CRELD2: variants seen among roughly 807,000 people sequenced by gnomAD.
CRELD2 encodes the protein CRELD disulfide isomerase 2, also known as protein disulfide isomerase CRELD2.
Under a neutral mutation model 48.1 loss-of-function variants are expected in CRELD2, and 33 were observed. The observed-to-expected ratio is 0.69, with a 90% CI of 0.52 to 0.92. The LOEUF (loss-of-function observed/expected upper bound fraction) is 0.92. Among genes scored for constraint, CRELD2 ranks in the 40% least tolerant of loss-of-function variants. The pLI, the probability that CRELD2 is intolerant of heterozygous loss-of-function variation, is 0.00. For synonymous variants in CRELD2, 220 were observed against 203.9 expected, an observed-to-expected ratio of 1.08 and a Z score of -0.67; for missense variants, 477 against 482.4, an observed-to-expected ratio of 0.99 and a Z score of 0.10.
intron 9 of CRELD2, chr22:49,925,810 C>G (rs1569188845): frequency 8.0e-7 from 1 of 1,243,670 alleles, no homozygotes; most frequent in Non-Finnish European, 1.0e-6. Flanking sequence ...GTCTCTGAAG[C>G]TCAGACCTCA....
At chr22:49,924,320 C>A in intron 7 of CRELD2, 40 bp from the exon 8 acceptor site, 1 of 1,503,562 alleles carries the variant, frequency 6.7e-7, no homozygotes, top group Non-Finnish European at 9.2e-7. Context: ...GCACTGGTGC[C>A]TTGTGCATGT....
At chr22:49,927,004 C>A (rs1000124441) in intron 9 of CRELD2, among the ~76,000 whole-genome samples, 1 of 146,640 alleles carries the variant, frequency 6.8e-6, no homozygotes, top group East Asian at 2.0e-4. Flanking sequence ...CCGCAAGGAA[C>A]CCCTTGCCGC....
At chr22:49,923,360 T>C in intron 7 of CRELD2, 43 bp downstream of exon 7, 1 of 1,388,384 alleles carries the variant, frequency 7.2e-7, no homozygotes, top group East Asian at 2.3e-5. Context: ...CCTGCCGGGT[T>C]TCGTTGCTGC....
At position 49,919,782 on chromosome 22, in the gene CRELD2, G is replaced by C. The variant is rs769255177; in HGVS notation, c.265G>C (p.Glu89Gln). The C allele has an allele frequency of 1.9e-6, 3 of 1,613,050 alleles. No individual in the cohort carries two copies. The highest frequency in any genetic ancestry group is 2.2e-5 in the East Asian group (1 of 44,872). ...LEGLCESSDF[E>Q]CNQMLEAQEE... ...GGGGCTGTGCGAGAGCAGCGACTTC[G>C]AATGCAATCAGATGCTAGAGGCGCA... is the stretch of plus-strand genomic sequence containing the variant. Residue 89 changes from glutamate to glutamine, a missense_variant, in exon 3 of 10, where the codon GAA becomes CAA. By Grantham distance (29) the Glu-to-Gln change is conservative. Coordinates refer to ENST00000328268, the MANE Select transcript of CRELD2 (RefSeq NM_024324.5).
At chr22:49,919,931 A>AG in intron 3 of CRELD2, 91 bp downstream of exon 3, 2 of 1,050,372 alleles carry the variant, frequency 1.9e-6, no homozygotes, top group Non-Finnish European at 2.8e-6. Flanking sequence ...CAGGAACAGT[A>AG]GGGAGCTCCC....
intron 7 of CRELD2, chr22:49,924,132 T>C: frequency 2.3e-6 from 1 of 428,394 alleles, no homozygotes; most frequent in East Asian, 4.1e-5. Flanking sequence ...TCCCAAAGAG[T>C]TCCAAGCCAG....
chr22:49,923,220 C>A lies in CRELD2; in HGVS notation c.689-14C>A. 6.4e-7 allele frequency: 1 copy of A among 1,558,852 alleles called. No individual in the cohort carries two copies. The highest frequency in any genetic ancestry group is 2.2e-5 in the East Asian group (1 of 44,596). ...CTGTCCTGGGCCGCTCACAGCTGTG[C>A]CGCTCTGTTCCAGATGTGGACGAGT... On this transcript the variant is annotated splice_polypyrimidine_tract_variant and intron_variant, in intron 6 of 9. Coordinates refer to ENST00000328268, the MANE Select transcript of CRELD2 (RefSeq NM_024324.5).
chr22:49,919,325 G>T lies in CRELD2; in HGVS notation c.212+13G>T, dbSNP rs763590484. ...AGTACGAGTCCAGGTGGGTGCCCTG[G>T]AGCACCCCTGTGGGTCTTGGCCTGG... is the stretch of plus-strand genomic sequence containing the variant. On this transcript the variant is annotated intron_variant, in intron 2 of 9. Coordinates refer to ENST00000328268, the MANE Select transcript of CRELD2 (RefSeq NM_024324.5). The T allele has an allele frequency of 6.2e-7, 1 of 1,612,184 alleles. No individual in the cohort carries two copies. The highest frequency in any genetic ancestry group is 8.5e-7 in the Non-Finnish European group (1 of 1,178,788).
At chr22:49,919,140 C>G in intron 1 of CRELD2, 90 bp from the exon 2 acceptor site, 1 of 1,341,158 alleles carries the variant, frequency 7.5e-7, no homozygotes, top group Admixed American at 1.7e-5. Flanking sequence ...CACCGTGGGC[C>G]TGGAGTCCCC....
intron 4 of CRELD2, among the ~76,000 whole-genome samples, chr22:49,921,076 C>T (rs1006135622): frequency 3.9e-5 from 6 of 152,214 alleles, no homozygotes; most frequent in African/African-American, 7.2e-5. Flanking sequence ...ACACGCCACA[C>T]GCCACACGCC....
At chr22:49,923,986 C>T in intron 7 of CRELD2, 1 of 228,002 alleles carries the variant, frequency 4.4e-6, no homozygotes, top group South Asian at 5.7e-5. Flanking sequence ...ACAGTGGGTC[C>T]CTCAGTGAGC....
chr22:49,922,291 C>G (rs553609580), intron 5 of CRELD2: 1 of 1,180,724 alleles, frequency 8.5e-7, no homozygotes, highest in Admixed American at 2.1e-5. Context: ...TTACGCCCCT[C>G]AGCAGTCAGG....
intron 5 of CRELD2, chr22:49,922,166 T>C (rs1601841861): frequency 9.7e-7 from 1 of 1,026,524 alleles, no homozygotes; most frequent in African/African-American, 1.7e-5. Flanking sequence ...TTGTCACTGA[T>C]ATGTAGGAAA....
rs1271237218 is a variant in CRELD2 at position 49,922,641 on chromosome 22, G to A, written c.622G>A (p.Gly208Ser). 3 of 1,570,308 alleles carry A rather than the reference G, an allele frequency of 1.9e-6. No individual in the cohort carries two copies. In the East Asian group the frequency reaches 7.0e-5, roughly 37 times the overall value. Residue 208 changes from glycine (G) to serine (S), a missense_variant, in exon 6 of 10, where the codon GGC becomes AGC. Physicochemically the swap from Gly to Ser is moderately conservative, Grantham distance 56 (BLOSUM62 0). Transcript: ENST00000328268. The part of the protein sequence containing the change: ...ACDESCKTCS[G>S]LTNRDCGECE... ...TGACGAGTCCTGCAAGACGTGCTCGGGCCTGACCAACAGAGACTGCGGCGA... is the reference window on the plus strand; with the variant it reads ...TGACGAGTCCTGCAAGACGTGCTCGAGCCTGACCAACAGAGACTGCGGCGA...
chr22:49,919,103 C>A, intron 1 of CRELD2, 127 bp from the exon 2 acceptor site: 2 of 1,037,440 alleles, frequency 1.9e-6, no homozygotes, highest in Non-Finnish European at 3.0e-6. Flanking sequence ...CCCGGATCCA[C>A]CCCCACCGTG....
At chr22:49,922,737 C>T (rs371586711) in intron 6 of CRELD2, 30 bp downstream of exon 6, 87 of 1,289,234 alleles carry the variant, frequency 6.7e-5, no homozygotes, top group Middle Eastern at 2.1e-4. Flanking sequence ...TGGAGGAGGG[C>T]GCCTGCGTGA....
intron 4 of CRELD2, among the ~76,000 whole-genome samples, chr22:49,920,470 C>CT (rs2060673963): frequency 6.6e-6 from 1 of 152,216 alleles, no homozygotes; most frequent in Admixed American, 6.5e-5. Context: ...GCGTAAAACT[C>CT]TGAGTATGTC....
chr22:49,920,413 C>T (rs777942346), intron 4 of CRELD2, among the ~76,000 whole-genome samples, 166 bp downstream of exon 4: 3 of 152,202 alleles, frequency 2.0e-5, no homozygotes, highest in Non-Finnish European at 4.4e-5. Context: ...CAGCTTGGAG[C>T]ACTTCGCACC....
At chr22:49,920,089 C>A in intron 3 of CRELD2, 67 bp from the exon 4 acceptor site, 1 of 1,055,674 alleles carries the variant, frequency 9.5e-7, no homozygotes, top group Non-Finnish European at 1.5e-6. Context: ...ATGTTACGTT[C>A]AGCTGCATGT....
Sources: gnomAD v4.1 joint callset for allele counts (sites outside exome capture counted in the v4.1 genomes callset) on GRCh38, gnomAD v4.1.1 for gene constraint, MANE v1.5 for transcripts, NCBI Gene and HGNC (gene_info 2026-07-23, HGNC 2026-07-21) for gene names.